PLCL1: variants seen among roughly 807,000 people sequenced by gnomAD.
The protein encoded by PLCL1 is inactive phospholipase C-like protein 1.
PLCL1 carries 41 observed loss-of-function variants against 84.4 expected under a neutral mutation model. That is an observed-to-expected ratio of 0.49 (90% CI 0.38 to 0.63). The LOEUF is 0.63. Among genes scored for constraint, PLCL1 ranks in the 30% least tolerant of loss-of-function variants. The pLI is 0.00. For missense variants in PLCL1, 1,206 were observed against 1,367.8 expected (o/e 0.88, Z 1.87); for synonymous variants, 490 against 488.3 (o/e 1.00, Z -0.05).
At chr2:198,087,525 T>C (rs1262936623) in intron 2 of PLCL1, among the ~76,000 whole-genome samples, 1 of 152,186 alleles carries the variant, frequency 6.6e-6, no homozygotes, top group African/African-American at 2.4e-5. Context: ...GTTTTCAAGA[T>C]AGATAATAAA....
intron 1 of PLCL1, among the ~76,000 whole-genome samples, chr2:197,950,479 C>A (rs911002477): frequency 1.3e-4 from 20 of 152,050 alleles, no homozygotes; most frequent in Non-Finnish European, 2.1e-4. Flanking sequence ...CCATATATTG[C>A]ATGATCAGAT....
chr2:197,869,605 T>G (rs1375015899), intron 1 of PLCL1, among the ~76,000 whole-genome samples: 1 of 152,140 alleles, frequency 6.6e-6, no homozygotes, highest in East Asian at 1.9e-4. Context: ...AAGATAATTG[T>G]GACAACTGCC....
Position 198,101,373 on chromosome 2 carries a change from A to T in PLCL1, c.2995+13A>T. The T allele has an allele frequency of 6.9e-7, 1 of 1,443,118 alleles. No individual in the cohort carries two copies. The allele number at this position is 1,443,118 out of a possible 1,614,324, so 89.4% of individuals were successfully genotyped here. ...TGTCAGAAAGCAGGTAATTGTTTTT[A>T]ATTTTTTTTTCTGTTTTTTTTTTCT... On this transcript the variant is annotated intron_variant, in intron 4 of 5. Coordinates refer to ENST00000428675, the MANE Select transcript of PLCL1 (RefSeq NM_006226.4).
intron 1 of PLCL1, among the ~76,000 whole-genome samples, chr2:197,821,446 C>A (rs1690813557): frequency 6.6e-6 from 1 of 152,146 alleles, no homozygotes; most frequent in South Asian, 2.1e-4. Flanking sequence ...CTTTAATAAG[C>A]AACACTAAGC....
intron 1 of PLCL1, among the ~76,000 whole-genome samples, chr2:197,933,430 A>T (rs183248397): frequency 6.6e-6 from 1 of 151,850 alleles, no homozygotes; most frequent in Non-Finnish European, 1.5e-5. Flanking sequence ...CGCCCAGCTA[A>T]TTTTTTGTAT....
In PLCL1 at chr2:198,149,683, A is replaced by G. The variant is rs1559122058; in HGVS notation, c.*2721A>G. The G allele has an allele frequency of 1.3e-5, 2 of 152,172 alleles. No homozygotes were observed. Among genetic ancestry groups the G allele is most frequent in the South Asian group, 2.1e-4 (1 of 4,832 alleles). 9.4% of individuals were successfully genotyped at this position (152,172 alleles called of 1,614,324 possible). A position where few individuals can be genotyped will look rare whatever the true frequency, so the allele number is the denominator to read the frequency against. On this transcript the variant is annotated 3_prime_UTR_variant, in exon 6 of 6. Coordinates refer to ENST00000428675, the MANE Select transcript of PLCL1 (RefSeq NM_006226.4). The stretch of plus-strand genomic sequence containing the variant: ...ATACAACAGAAAAGCAAAATTACCC[A>G]CTAATAACATTTTGATTTATATCCC...
intron 1 of PLCL1, among the ~76,000 whole-genome samples, chr2:197,998,139 G>GT (rs1690510768): frequency 2.0e-5 from 3 of 149,396 alleles, no homozygotes; most frequent in Non-Finnish European, 4.4e-5. Context: ...TATTTATTCA[G>GT]TTTTTCCTGG....
chr2:197,994,573 T>C (rs571140891), intron 1 of PLCL1, among the ~76,000 whole-genome samples: 32 of 152,348 alleles, frequency 2.1e-4, no homozygotes, highest in African/African-American at 7.5e-4. Flanking sequence ...ATAGGATAAC[T>C]CATGAATTCC....
chr2:198,058,263 A>G (rs1336779401), intron 1 of PLCL1, among the ~76,000 whole-genome samples: 1 of 152,094 alleles, frequency 6.6e-6, no homozygotes, highest in Non-Finnish European at 1.5e-5. Context: ...TTGGTTTTAT[A>G]TAGACATTGC....
intron 1 of PLCL1, among the ~76,000 whole-genome samples, chr2:197,826,170 C>T (rs1263144792): frequency 6.6e-6 from 1 of 152,164 alleles, no homozygotes; most frequent in Non-Finnish European, 1.5e-5. Flanking sequence ...CCATGTATGA[C>T]ATGTATTTAG....
chr2:197,855,027 G>A (rs1687304200), intron 1 of PLCL1, among the ~76,000 whole-genome samples: 1 of 152,180 alleles, frequency 6.6e-6, no homozygotes, highest in Admixed American at 6.5e-5. Context: ...CCTTGTGTTA[G>A]TTGAGGCCCT....
chr2:197,880,104 C>T (rs1272684972), intron 1 of PLCL1, among the ~76,000 whole-genome samples: 1 of 152,050 alleles, frequency 6.6e-6, no homozygotes, highest in Admixed American at 6.6e-5. Flanking sequence ...AGAATTATTG[C>T]CCAACCTTAG....
intron 5 of PLCL1, among the ~76,000 whole-genome samples, chr2:198,113,745 G>T (rs1693675083): frequency 6.6e-6 from 1 of 151,850 alleles, no homozygotes; most frequent in Non-Finnish European, 1.5e-5. Flanking sequence ...CTTCAACATG[G>T]TCTGGGGAGT....
At chr2:198,102,235 C>G (rs1693358921) in intron 4 of PLCL1, among the ~76,000 whole-genome samples, 1 of 152,014 alleles carries the variant, frequency 6.6e-6, no homozygotes, top group South Asian at 2.1e-4. Flanking sequence ...TTACATGATG[C>G]CAGGCACTGC....
chr2:198,094,341 G>A (rs1461183539), intron 3 of PLCL1, among the ~76,000 whole-genome samples: 1 of 152,166 alleles, frequency 6.6e-6, no homozygotes, highest in Non-Finnish European at 1.5e-5. Flanking sequence ...GATTACAGGT[G>A]TGAGCCACCG....
intron 1 of PLCL1, among the ~76,000 whole-genome samples, chr2:198,046,505 A>G (rs553916055): frequency 6.4e-4 from 98 of 152,356 alleles, no homozygotes; most frequent in African/African-American, 2.3e-3. Flanking sequence ...AGAGAAAGAT[A>G]TATCACTTTA....
At chr2:197,917,727 G>A (rs1419234263) in intron 1 of PLCL1, among the ~76,000 whole-genome samples, 2 of 152,298 alleles carry the variant, frequency 1.3e-5, no homozygotes, top group Non-Finnish European at 2.9e-5. Flanking sequence ...GTAAGTGGAT[G>A]ATTCTAGGAC....
At chr2:198,044,243 C>G (rs1179672384) in intron 1 of PLCL1, among the ~76,000 whole-genome samples, 3 of 152,176 alleles carry the variant, frequency 2.0e-5, no homozygotes, top group African/African-American at 7.2e-5. Context: ...TTCAACTACC[C>G]TCTTGCTGAA....
intron 1 of PLCL1, chr2:197,810,224 T>C: frequency 2.2e-6 from 2 of 910,892 alleles, no homozygotes; most frequent in Non-Finnish European, 3.0e-6. Context: ...CATAGTAACA[T>C]GGTCACATTT....
Sources: gnomAD v4.1 joint callset for allele counts (sites outside exome capture counted in the v4.1 genomes callset) on GRCh38, gnomAD v4.1.1 for gene constraint, MANE v1.5 for transcripts, NCBI Gene and HGNC (gene_info 2026-07-23, HGNC 2026-07-21) for gene names.